The following TBC1D2B variants were observed in gnomAD, a reference collection of about 807,000 sequenced individuals.
TBC1D2B encodes the protein TBC1 domain family member 2B.
TBC1D2B carries 64 observed loss-of-function variants against 100.8 expected under a neutral mutation model. The observed-to-expected ratio is 0.64, with a 90% confidence interval of 0.52 to 0.78. TBC1D2B has a LOEUF of 0.78. TBC1D2B is among the 30% of genes least tolerant of loss of function. The probability of loss-of-function intolerance (pLI) is 0.00; values close to 1 mark genes in which losing one functional copy is unlikely to be tolerated. For missense variants in TBC1D2B, 1,052 were observed against 1,218.4 expected, an observed-to-expected ratio of 0.86 and a Z score of 2.03; for synonymous variants, 480 against 479.7, an observed-to-expected ratio of 1.00 and a Z score of -0.01.
At chr15:78,076,234 C>T (rs1015296686) in intron 1 of TBC1D2B, among the ~76,000 whole-genome samples, 1 of 152,202 alleles carries the variant, frequency 6.6e-6, no homozygotes, top group African/African-American at 2.4e-5. Flanking sequence ...TACACTGTAT[C>T]TCTCATTTTG....
In TBC1D2B at chr15:78,077,355, G is replaced by T; in HGVS notation, c.298C>A (p.Pro100Thr). ...SYQGPDEAAE[P>T]GTEPPAHFQV... ...AAGTGCGCGGGCGGCTCCGTGCCCGGCTCCGCCGCCTCGTCGGGGCCCTGG... is the reference window on the plus strand; with the variant it reads ...AAGTGCGCGGGCGGCTCCGTGCCCGTCTCCGCCGCCTCGTCGGGGCCCTGG... Residue 100 changes from proline (P) to threonine (T), a missense_variant, in exon 1 of 13, where the codon CCG becomes ACG. Coordinates refer to ENST00000300584, the MANE Select transcript of TBC1D2B (RefSeq NM_144572.2). 6.5e-7 allele frequency: 1 copy of T among 1,538,890 alleles called. No homozygotes were observed. Among genetic ancestry groups the T allele is most frequent in the African/African-American group, 1.4e-5 (1 of 71,272 alleles).
intron 1 of TBC1D2B, among the ~76,000 whole-genome samples, chr15:78,063,226 G>T (rs1202664740): frequency 6.6e-6 from 1 of 152,108 alleles, no homozygotes; most frequent in African/African-American, 2.4e-5. Context: ...CTTAACATCT[G>T]TTAAGCTCAG....
At chr15:78,035,117 T>C (rs1239908811) in intron 3 of TBC1D2B, among the ~76,000 whole-genome samples, 1 of 152,174 alleles carries the variant, frequency 6.6e-6, no homozygotes, top group Non-Finnish European at 1.5e-5. Context: ...TGCCCACCTA[T>C]AAACACTCAG....
At chr15:78,012,745 G>A in intron 9 of TBC1D2B, 78 bp downstream of exon 9, 1 of 1,364,006 alleles carries the variant, frequency 7.3e-7, no homozygotes, top group Non-Finnish European at 9.5e-7. Context: ...CAACCAGGAA[G>A]GGAGGGAGCT....
At chr15:78,006,330 C>T (rs2072066041) in intron 10 of TBC1D2B, among the ~76,000 whole-genome samples, 1 of 152,222 alleles carries the variant, frequency 6.6e-6, no homozygotes, top group African/African-American at 2.4e-5. Flanking sequence ...CCTCTAATCC[C>T]ACCCGACTGA....
Position 78,004,995 on chromosome 15 carries a change from C to T in TBC1D2B, c.2389-1505G>A, listed in dbSNP as rs183123703. Among the ~76,000 whole-genome samples the T allele has an allele frequency of 3.3e-5, 5 of 152,326 alleles. No homozygotes were observed. In the East Asian group the frequency reaches 5.8e-4, roughly 18 times the overall value. ...GCTGTAAAGTGGCAAGGGAGATGGACGGCTCACTGTAAGACCAGCTAATGA... is the reference window on the plus strand; with the variant it reads ...GCTGTAAAGTGGCAAGGGAGATGGATGGCTCACTGTAAGACCAGCTAATGA... On this transcript the variant is annotated intron_variant, in intron 10 of 12. Coordinates refer to ENST00000300584, the MANE Select transcript of TBC1D2B (RefSeq NM_144572.2).
At chr15:78,005,272 C>G (rs1192975615) in intron 10 of TBC1D2B, among the ~76,000 whole-genome samples, 1 of 152,220 alleles carries the variant, frequency 6.6e-6, no homozygotes, top group Non-Finnish European at 1.5e-5. Flanking sequence ...CATGGAATGA[C>G]TGTGTCATTC....
Position 78,025,268 on chromosome 15 carries a change from G to A in TBC1D2B, c.1077C>T (p.Ser359=), listed in dbSNP as rs1375817034. ...EELEQLKKDL[S]SQKELVRLLQ... ...CAGAAGAAGAAGTTACCTTCTGACT[G>A]GACAGGTCTTTCTTTAACTGTTCCA... is the stretch of plus-strand genomic sequence containing the variant. Residue 359 remains serine (S), a synonymous_variant, in exon 5 of 13, where the codon TCC becomes TCT. Transcript: ENST00000300584. The A allele has an allele frequency of 3.7e-6, 6 of 1,613,232 alleles. No homozygotes were observed. In the South Asian group the frequency reaches 4.4e-5, roughly 12 times the overall value.
chr15:78,023,445 T>C (rs2072566802), intron 6 of TBC1D2B, among the ~76,000 whole-genome samples: 1 of 152,188 alleles, frequency 6.6e-6, no homozygotes, highest in South Asian at 2.1e-4. Context: ...TAGGCTTCTC[T>C]ACAGGCAAGA....
chr15:78,018,514 T>G (rs749159207), intron 6 of TBC1D2B, among the ~76,000 whole-genome samples: 5 of 152,194 alleles, frequency 3.3e-5, no homozygotes, highest in African/African-American at 4.8e-5. Context: ...AATTTCAAAC[T>G]TACAGAAAAG....
At chr15:78,031,552 T>A (rs1188446839) in intron 3 of TBC1D2B, among the ~76,000 whole-genome samples, 1 of 4,108 alleles carries the variant, frequency 2.4e-4, no homozygotes, top group Admixed American at 6.8e-3. Context: ...AGACTCTGTC[T>A]CCAAAAAAAA....
intron 1 of TBC1D2B, among the ~76,000 whole-genome samples, chr15:78,069,529 C>G (rs1264973751): frequency 6.6e-6 from 1 of 152,216 alleles, no homozygotes; most frequent in Admixed American, 6.5e-5. Flanking sequence ...CTAGGCATGA[C>G]CAAACCATCA....
At chr15:78,000,664 A>T in intron 12 of TBC1D2B, among the ~76,000 whole-genome samples, 1 of 152,228 alleles carries the variant, frequency 6.6e-6, no homozygotes, top group Non-Finnish European at 1.5e-5. Flanking sequence ...CTCAGCCAGC[A>T]CCTCAGCTCC....
intron 3 of TBC1D2B, among the ~76,000 whole-genome samples, chr15:78,034,232 T>C (rs769372076): frequency 3.3e-5 from 5 of 152,212 alleles, no homozygotes; most frequent in Non-Finnish European, 5.9e-5. Context: ...AATTATAAAA[T>C]TGTAGAGAAA....
Position 78,001,635 on chromosome 15 carries a change from T to C in TBC1D2B, c.2680A>G (p.Thr894Ala). 1 of 1,609,550 alleles carries C rather than the reference T, an allele frequency of 6.2e-7. No homozygotes were observed. The highest frequency in any genetic ancestry group is 1.3e-5 in the African/African-American group (1 of 74,978). ...IFKYLRYFTR[T>A]ILDARKLISI... is the part of the protein sequence containing the mutation. ...AGGACTCACCTAGCATCAAGGATAG[T>C]GCGAGTGAAGTAGCGGAGATACTTA... Residue 894 changes from threonine (T) to alanine (A), a missense_variant, in exon 12 of 13, where the codon ACT becomes GCT. Transcript: ENST00000300584.
chr15:78,076,579 C>T (rs558943854), intron 1 of TBC1D2B, among the ~76,000 whole-genome samples: 1 of 122,842 alleles, frequency 8.1e-6, no homozygotes, highest in African/African-American at 2.7e-5. Flanking sequence ...ACCCCCGTTT[C>T]TTTAAAAAAA....
At chr15:78,062,260 A>G (rs1057435859) in intron 1 of TBC1D2B, among the ~76,000 whole-genome samples, 8 of 152,234 alleles carry the variant, frequency 5.3e-5, no homozygotes, top group Non-Finnish European at 1.0e-4. Context: ...ACCCACAAAG[A>G]AAGCAAAGCA....
rs576015275 is a variant in TBC1D2B at position 78,025,334 on chromosome 15, G to A, written c.1011C>T (p.Ala337=). ...GSGSVSIRKP[A]SEMQLQVQSQ... ...TCTGGACCTGCAGTTGCATTTCGGA[G>A]GCCGGCTTCCTGATGCTGACGCTGC... The change falls in exon 5 of 13, where the codon GCC becomes GCT. Residue 337 remains alanine (A), a synonymous_variant. Transcript: ENST00000300584. The A allele has an allele frequency of 8.1e-6, 13 of 1,613,810 alleles. No individual in the cohort carries two copies. In the South Asian group the frequency reaches 1.4e-4, roughly 18 times the overall value.
At chr15:78,063,946 C>T (rs1288073473) in intron 1 of TBC1D2B, among the ~76,000 whole-genome samples, 1 of 152,130 alleles carries the variant, frequency 6.6e-6, no homozygotes, top group Non-Finnish European at 1.5e-5. Context: ...CCTAACTGGA[C>T]TTGCTGTCTC....
Sources: allele counts gnomAD v4.1 joint callset (sites outside exome capture counted in the v4.1 genomes callset), GRCh38; gene constraint gnomAD v4.1.1; transcripts MANE v1.5; gene names NCBI Gene and HGNC (gene_info 2026-07-23, HGNC 2026-07-21).